Variants in LRRC37A observed in about 807,000 individuals in gnomAD.
LRRC37A encodes the protein leucine-rich repeat-containing protein 37A.
A neutral mutation model predicts 35.4 loss-of-function variants in LRRC37A; 3 were observed. The ratio of observed to expected loss-of-function variants is 0.08; its 90% CI spans 0.04 to 0.22. LRRC37A has a LOEUF of 0.22. Among genes scored for constraint, LRRC37A ranks in the 10% least tolerant of loss-of-function variants. The pLI is 1.00. For missense variants in LRRC37A, 67 were observed against 565.3 expected (o/e 0.12, Z 8.94); for synonymous variants, 23 against 215.0 (o/e 0.11, Z 7.81).
At chr17:46,292,059 C>T (rs1272826882), upstream of LRRC37A, among the ~76,000 whole-genome samples, 3 of 143,320 alleles carry the variant, frequency 2.1e-5, no homozygotes, top group East Asian at 2.0e-4. Context: ...AGGCCAGGCC[C>T]AGTGGCTCAC....
chr17:46,267,519 G>A, the LRRC37A span: 1 of 1,612,856 alleles, frequency 6.2e-7, no homozygotes, highest in African/African-American at 1.3e-5. Flanking sequence ...TTTAAACCTG[G>A]TATTGAAACT....
the LRRC37A span, among the ~76,000 whole-genome samples, chr17:46,256,132 C>T: frequency 6.6e-6 from 1 of 152,094 alleles, no homozygotes; most frequent in Non-Finnish European, 1.5e-5. Flanking sequence ...CCCCTGAAAT[C>T]GCAGCACTTT....
At chr17:46,324,002 A>G (rs62073242) in intron 7 of LRRC37A, among the ~76,000 whole-genome samples, 1 of 89,996 alleles carries the variant, frequency 1.1e-5, no homozygotes, top group Admixed American at 1.1e-4. Context: ...GACTTTGGTA[A>G]CTGCAGGGGG....
intron 7 of LRRC37A, among the ~76,000 whole-genome samples, chr17:46,327,238 A>G (rs2051787651): frequency 1.4e-5 from 1 of 71,360 alleles, no homozygotes; most frequent in Non-Finnish European, 3.8e-5. Flanking sequence ...GGCCTGTAAT[A>G]CTAAGTTTGA....
chr17:46,265,374 T>G, the LRRC37A span, among the ~76,000 whole-genome samples: 8 of 150,530 alleles, frequency 5.3e-5, no homozygotes, highest in East Asian at 1.4e-3. Flanking sequence ...CTTCTTCTCC[T>G]TCTTCTTTTC....
At chr17:46,259,104 T>C in the LRRC37A span, among the ~76,000 whole-genome samples, 1 of 126,962 alleles carries the variant, frequency 7.9e-6, no homozygotes, top group Non-Finnish European at 1.6e-5. Context: ...GACCCAAAAC[T>C]ATACAGAAAC....
chr17:46,256,500 A>G, the LRRC37A span, among the ~76,000 whole-genome samples: 1 of 152,190 alleles, frequency 6.6e-6, no homozygotes, highest in East Asian at 1.9e-4. Flanking sequence ...AAGCTAGGAA[A>G]AGAGCCCTTG....
At chr17:46,262,455 T>C in the LRRC37A span, among the ~76,000 whole-genome samples, 3 of 152,066 alleles carry the variant, frequency 2.0e-5, no homozygotes, top group Non-Finnish European at 2.9e-5. Context: ...TCAAGCTATC[T>C]GCTCGCTTCA....
chr17:46,257,653 A>G, the LRRC37A span, among the ~76,000 whole-genome samples: 1 of 102,100 alleles, frequency 9.8e-6, no homozygotes, highest in Non-Finnish European at 2.2e-5. Context: ...GTTTCTACTT[A>G]AAAAAAAAAA....
At chr17:46,270,694 G>T in the LRRC37A span, among the ~76,000 whole-genome samples, 1 of 152,202 alleles carries the variant, frequency 6.6e-6, no homozygotes, top group East Asian at 1.9e-4. Flanking sequence ...GGATCACAAG[G>T]TCAGGAGTTT....
At chr17:46,260,765 A>G in the LRRC37A span, among the ~76,000 whole-genome samples, 1 of 151,976 alleles carries the variant, frequency 6.6e-6, no homozygotes, top group African/African-American at 2.4e-5. Context: ...CTGGGATTAC[A>G]GGCATGCGCC....
chr17:46,253,324 G>A, the LRRC37A span, among the ~76,000 whole-genome samples: 248 of 152,008 alleles, frequency 1.6e-3, 4 homozygotes, highest in East Asian at 0.046. Context: ...AGGCAGAGAC[G>A]CTCCTCACTT....
upstream of LRRC37A, among the ~76,000 whole-genome samples, chr17:46,288,202 C>G (rs1353407351): frequency 2.0e-5 from 3 of 152,076 alleles, no homozygotes; most frequent in East Asian, 5.8e-4. Context: ...AGGGCAGGGG[C>G]AGGATCACGG....
At chr17:46,289,052 T>C (rs896284691), upstream of LRRC37A, among the ~76,000 whole-genome samples, 8 of 152,328 alleles carry the variant, frequency 5.3e-5, 1 homozygote, top group Middle Eastern at 0.01. Context: ...AGTGCATCTC[T>C]TCTGCTATCC....
chr17:46,277,865 T>C, the LRRC37A span, among the ~76,000 whole-genome samples: 1 of 152,190 alleles, frequency 6.6e-6, no homozygotes, highest in Admixed American at 6.5e-5. Context: ...CAGGCTGGTC[T>C]GGAACTCCTG....
At chr17:46,253,322 A>C in the LRRC37A span, among the ~76,000 whole-genome samples, 6 of 149,714 alleles carry the variant, frequency 4.0e-5, no homozygotes, top group East Asian at 6.0e-4. Flanking sequence ...CCAGGCAGAG[A>C]CGCTCCTCAC....
chr17:46,254,415 CTATCTATTTATT>C, the LRRC37A span, among the ~76,000 whole-genome samples: 1 of 151,832 alleles, frequency 6.6e-6, no homozygotes, highest in South Asian at 2.1e-4. Flanking sequence ...ATTTATTTAT[CTATCTATTTATT>C]TATTTATTTA....
At chr17:46,252,568 G>A in the LRRC37A span, among the ~76,000 whole-genome samples, 2 of 149,082 alleles carry the variant, frequency 1.3e-5, no homozygotes, top group Non-Finnish European at 3.0e-5. Flanking sequence ...AGGGAGTGGT[G>A]ATGACTCTTA....
At chr17:46,265,261 CTTCTTCTTCTTCT>C in the LRRC37A span, among the ~76,000 whole-genome samples, 2 of 20,382 alleles carry the variant, frequency 9.8e-5, no homozygotes, top group Non-Finnish European at 2.7e-4. Context: ...TCTTCTTCTT[CTTCTTCTTCTTCT>C]TCTTCTTCTT....
Sources: gnomAD v4.1 joint callset for allele counts (sites outside exome capture counted in the v4.1 genomes callset) on GRCh38, gnomAD v4.1.1 for gene constraint, MANE v1.5 for transcripts, NCBI Gene and HGNC (gene_info 2026-07-23, HGNC 2026-07-21) for gene names.